ANKS1B: variants seen among roughly 807,000 people sequenced by gnomAD.
ANKS1B encodes the protein ankyrin repeat and sterile alpha motif domain containing 1B.
In ANKS1B, 36 loss-of-function variants were observed where a neutral mutation model predicts 148.3. The observed-to-expected ratio is 0.24, with a 90% CI of 0.19 to 0.32. The LOEUF (loss-of-function observed/expected upper bound fraction) is 0.32. Ranked by LOEUF, ANKS1B falls within the 10% of genes least tolerant of loss-of-function variation. ANKS1B has a pLI of 1.00. For missense variants in ANKS1B, 1,157 were observed against 1,542.6 expected (o/e 0.75, Z 4.19); for synonymous variants, 542 against 560.8 (o/e 0.97, Z 0.47).
intron 10 of ANKS1B, among the ~76,000 whole-genome samples, chr12:99,453,066 G>A (rs150796602): frequency 0.027 from 4,040 of 152,178 alleles, 77 homozygotes; most frequent in Middle Eastern, 0.054. Flanking sequence ...CAAGGTGGGC[G>A]GATCACAAGG....
At chr12:99,738,753 C>A (rs774222341) in intron 8 of ANKS1B, among the ~76,000 whole-genome samples, 17 of 152,062 alleles carry the variant, frequency 1.1e-4, no homozygotes, top group Non-Finnish European at 2.4e-4. Context: ...TGGCCCAAAC[C>A]AAGACTCACT....
At chr12:98,847,758 G>A (rs769535034) in intron 17 of ANKS1B, among the ~76,000 whole-genome samples, 17 of 152,138 alleles carry the variant, frequency 1.1e-4, no homozygotes, top group Admixed American at 2.6e-4. Context: ...ACCATGCCTG[G>A]CTAATTTTCG....
intron 12 of ANKS1B, among the ~76,000 whole-genome samples, chr12:99,381,955 G>T (rs540320999): frequency 1.3e-5 from 2 of 152,142 alleles, no homozygotes; most frequent in Non-Finnish European, 2.9e-5. Context: ...AAAGCAACTA[G>T]AACATGTTTT....
At chr12:99,284,940 T>C (rs557630270) in intron 12 of ANKS1B, among the ~76,000 whole-genome samples, 1 of 152,344 alleles carries the variant, frequency 6.6e-6, no homozygotes, top group African/African-American at 2.4e-5. Flanking sequence ...TGTATATACA[T>C]ATAACTATTT....
At chr12:98,755,121 G>A (rs981232886) in intron 25 of ANKS1B, among the ~76,000 whole-genome samples, 2 of 151,874 alleles carry the variant, frequency 1.3e-5, no homozygotes, top group East Asian at 1.9e-4. Flanking sequence ...GGGCCCTTTC[G>A]GGGAAACAGA....
chr12:98,899,545 G>A (rs1342939974), intron 17 of ANKS1B, among the ~76,000 whole-genome samples: 1 of 152,180 alleles, frequency 6.6e-6, no homozygotes, highest in South Asian at 2.1e-4. Flanking sequence ...AAGTCCTTAA[G>A]AGCGGCTTCC....
chr12:99,768,213 A>G, intron 8 of ANKS1B, among the ~76,000 whole-genome samples: 1 of 152,226 alleles, frequency 6.6e-6, no homozygotes, highest in East Asian at 1.9e-4. Context: ...TGGATGTTTC[A>G]TATCCTATGA....
intron 12 of ANKS1B, among the ~76,000 whole-genome samples, chr12:99,398,333 T>C (rs1287992541): frequency 6.6e-6 from 1 of 152,118 alleles, no homozygotes; most frequent in Non-Finnish European, 1.5e-5. Context: ...AGAGTCCGAT[T>C]AAAGGACTTA....
At chr12:99,970,045 C>T (rs1160899251) in intron 1 of ANKS1B, among the ~76,000 whole-genome samples, 1 of 152,072 alleles carries the variant, frequency 6.6e-6, no homozygotes, top group Non-Finnish European at 1.5e-5. Context: ...CAAAAATCAT[C>T]CAAGTATCTA....
chr12:99,567,090 G>A (rs1380781647), intron 9 of ANKS1B, among the ~76,000 whole-genome samples: 2 of 152,132 alleles, frequency 1.3e-5, no homozygotes, highest in Non-Finnish European at 2.9e-5. Context: ...GGTATTGGCT[G>A]GACTATGGTT....
chr12:98,883,001 A>AT (rs2099716373), intron 17 of ANKS1B, among the ~76,000 whole-genome samples: 1 of 152,132 alleles, frequency 6.6e-6, no homozygotes, highest in Admixed American at 6.5e-5. Context: ...GTTATTATTA[A>AT]TTTTTTATTT....
chr12:99,773,805 T>C (rs1049668046), intron 7 of ANKS1B, among the ~76,000 whole-genome samples: 1 of 152,162 alleles, frequency 6.6e-6, no homozygotes, highest in Admixed American at 6.5e-5. Context: ...CTGGACTTTA[T>C]TCTGTTTTAT....
chr12:99,422,832 T>G (rs947751147), intron 11 of ANKS1B, among the ~76,000 whole-genome samples: 1 of 151,960 alleles, frequency 6.6e-6, no homozygotes, highest in Admixed American at 6.6e-5. Context: ...ATTAAAGAGA[T>G]AAGAACAAAA....
intron 11 of ANKS1B, among the ~76,000 whole-genome samples, chr12:99,412,844 A>G (rs114947801): frequency 5.3e-5 from 8 of 152,350 alleles, no homozygotes; most frequent in African/African-American, 1.9e-4. Flanking sequence ...GAAAGTAAGT[A>G]TCATTGCCAT....
intron 17 of ANKS1B, among the ~76,000 whole-genome samples, chr12:98,902,161 T>G (rs1488065052): frequency 6.6e-6 from 1 of 152,234 alleles, no homozygotes; most frequent in African/African-American, 2.4e-5. Flanking sequence ...TGCCCCAGTC[T>G]TCTGAATTAA....
intron 12 of ANKS1B, among the ~76,000 whole-genome samples, chr12:99,379,879 G>C (rs1248888139): frequency 2.0e-5 from 3 of 152,150 alleles, no homozygotes; most frequent in Non-Finnish European, 4.4e-5. Flanking sequence ...TATGTGTTCT[G>C]AAAGTTGTAT....
intron 17 of ANKS1B, among the ~76,000 whole-genome samples, chr12:98,840,928 G>C (rs1466364761): frequency 6.6e-6 from 1 of 152,126 alleles, no homozygotes; most frequent in Non-Finnish European, 1.5e-5. Flanking sequence ...AAGAAAATGG[G>C]AAGTATGTGC....
intron 14 of ANKS1B, among the ~76,000 whole-genome samples, chr12:99,238,771 C>A (rs1009461595): frequency 1.3e-5 from 2 of 152,262 alleles, no homozygotes; most frequent in Middle Eastern, 3.4e-3. Flanking sequence ...CCCAGGCAAA[C>A]AGGGTCTGGA....
In ANKS1B at chr12:99,655,084, A is replaced by G; in HGVS notation, c.1255T>C (p.Phe419Leu). ...ACTTTTACCTGGGCAAGCATGGGGAAGCCAAGGTTCCTACATCCATTACAC... is the reference window on the plus strand; with the variant it reads ...ACTTTTACCTGGGCAAGCATGGGGAGGCCAAGGTTCCTACATCCATTACAC... ...TPCNGCRNLG[F>L]PMLAQESYPK... is the part of the protein sequence containing the mutation. Residue 419 changes from phenylalanine (F) to leucine (L), a missense_variant, in exon 9 of 27, where the codon TTC becomes CTC. Transcript: ENST00000683438. The G allele has an allele frequency of 6.3e-7, 1 of 1,587,864 alleles. No homozygotes were observed. Among genetic ancestry groups the G allele is most frequent in the Non-Finnish European group, 8.6e-7 (1 of 1,164,024 alleles).
Sources: gnomAD v4.1 joint callset for allele counts (sites outside exome capture counted in the v4.1 genomes callset) on GRCh38, gnomAD v4.1.1 for gene constraint, MANE v1.5 for transcripts, NCBI Gene and HGNC (gene_info 2026-07-23, HGNC 2026-07-21) for gene names.